Variants in PLCB1 observed in about 807,000 individuals in gnomAD.
The protein encoded by PLCB1 is 1-phosphatidylinositol 4,5-bisphosphate phosphodiesterase beta-1.
In PLCB1, 46 loss-of-function variants were observed where a neutral mutation model predicts 161.8. The observed-to-expected ratio is 0.28, with a 90% CI of 0.22 to 0.36. The LOEUF is 0.36. Ranked by LOEUF, PLCB1 falls within the 10% of genes least tolerant of loss-of-function variation. The pLI is 1.00. For synonymous variants in PLCB1, 517 were observed against 503.7 expected (o/e 1.03, Z -0.35); for missense variants, 1,016 against 1,472.5 (o/e 0.69, Z 5.07).
chr20:8,379,161 C>T (rs113353825), intron 3 of PLCB1, among the ~76,000 whole-genome samples: 24 of 151,836 alleles, frequency 1.6e-4, no homozygotes, highest in African/African-American at 5.8e-4. Context: ...TCCACATGTT[C>T]TCATTGTTCA....
At chr20:8,350,129 G>A (rs1180834552) in intron 2 of PLCB1, among the ~76,000 whole-genome samples, 1 of 152,166 alleles carries the variant, frequency 6.6e-6, no homozygotes, top group African/African-American at 2.4e-5. Flanking sequence ...GGATGTGCAG[G>A]TTTGTTACAC....
chr20:8,163,138 C>G (rs60588565), intron 2 of PLCB1, among the ~76,000 whole-genome samples: 1,783 of 152,132 alleles, frequency 0.012, 37 homozygotes, highest in African/African-American at 0.039. Flanking sequence ...GTGGGCAGGG[C>G]CATGGGGAAG....
In PLCB1 at chr20:8,820,649, T is replaced by A. The variant is rs1985297855; in HGVS notation, c.3423+30388T>A. Among the ~76,000 whole-genome samples, 3 of 152,078 alleles carry A rather than the reference T, an allele frequency of 2.0e-5. No individual in the cohort carries two copies. In the South Asian group the frequency reaches 6.2e-4, roughly 32 times the overall value. On this transcript the variant is annotated intron_variant, in intron 31 of 31. Coordinates refer to ENST00000338037, the MANE Select transcript of PLCB1 (RefSeq NM_015192.4). ...CAAGGTAGAAACTCCCTAGAGAAAT[T>A]GTAGCATATGTGTATCAGGAGCGTT...
chr20:8,322,473 T>TA (rs962503153), intron 2 of PLCB1, among the ~76,000 whole-genome samples: 7 of 151,622 alleles, frequency 4.6e-5, no homozygotes, highest in East Asian at 1.9e-4. Flanking sequence ...GTAAAATTTT[T>TA]AAAAAAAATC....
rs549914895 is a variant in PLCB1, at chr20:8,340,117, C to G, written c.178-31265C>G. 3.9e-5 allele frequency among the ~76,000 whole-genome samples: 6 copies of G among 152,334 alleles called. No individual in the cohort carries two copies. The South Asian group carries it at 1.2e-3, about 32-fold the overall frequency. ...TACATATGATTGGTTTTCCAACTCT[C>G]TAATTCCCCTTAATTGATAATTCTA... On this transcript the variant is annotated intron_variant, in intron 2 of 31. Coordinates refer to ENST00000338037, the MANE Select transcript of PLCB1 (RefSeq NM_015192.4).
intron 2 of PLCB1, among the ~76,000 whole-genome samples, chr20:8,216,736 G>T (rs561406540): frequency 6.6e-6 from 1 of 152,094 alleles, no homozygotes; most frequent in Admixed American, 6.6e-5. Context: ...AAATGATATA[G>T]CATAAGAGGG....
chr20:8,829,778 C>G (rs1242823042), intron 31 of PLCB1, among the ~76,000 whole-genome samples: 1 of 152,078 alleles, frequency 6.6e-6, no homozygotes, highest in African/African-American at 2.4e-5. Context: ...GGTTTTAAAA[C>G]CAAATAAAAA....
intron 31 of PLCB1, among the ~76,000 whole-genome samples, chr20:8,861,838 T>G (rs952978448): frequency 2.0e-5 from 3 of 152,064 alleles, no homozygotes; most frequent in Admixed American, 6.6e-5. Context: ...TGGAAACAAT[T>G]TAATTAACTT....
chr20:8,667,504 T>C (rs1488430972), intron 9 of PLCB1, among the ~76,000 whole-genome samples: 1 of 152,210 alleles, frequency 6.6e-6, no homozygotes, highest in Non-Finnish European at 1.5e-5. Flanking sequence ...ATTTCCTTTA[T>C]TCCCAGAAGG....
At chr20:8,268,795 C>G (rs569924685) in intron 2 of PLCB1, among the ~76,000 whole-genome samples, 1 of 152,092 alleles carries the variant, frequency 6.6e-6, no homozygotes, top group South Asian at 2.1e-4. Context: ...ATTTCCTTTG[C>G]CCACTTTTTG....
chr20:8,141,581 C>T (rs1470203437), intron 1 of PLCB1, among the ~76,000 whole-genome samples: 5 of 145,994 alleles, frequency 3.4e-5, no homozygotes, highest in East Asian at 2.0e-4. Flanking sequence ...GAGCCAAGAT[C>T]GCGCCACTGC....
At chr20:8,776,725 T>G (rs1600318314) in intron 27 of PLCB1, among the ~76,000 whole-genome samples, 2 of 152,294 alleles carry the variant, frequency 1.3e-5, no homozygotes, top group East Asian at 3.9e-4. Flanking sequence ...TTAAATATTT[T>G]TAAACAGTAG....
chr20:8,327,638 G>T (rs1027410538), intron 2 of PLCB1, among the ~76,000 whole-genome samples: 1 of 152,162 alleles, frequency 6.6e-6, no homozygotes, highest in Admixed American at 6.5e-5. Context: ...TAGAAGGCCT[G>T]TTCATCATAG....
intron 31 of PLCB1, among the ~76,000 whole-genome samples, chr20:8,854,604 C>T (rs1370782216): frequency 2.0e-5 from 3 of 152,186 alleles, no homozygotes; most frequent in African/African-American, 7.2e-5. Context: ...TGCTGTTAAA[C>T]TATTTATAAT....
chr20:8,379,469 T>C (rs1027320947), intron 3 of PLCB1, among the ~76,000 whole-genome samples: 1 of 152,200 alleles, frequency 6.6e-6, no homozygotes, highest in Non-Finnish European at 1.5e-5. Flanking sequence ...GTATACCCAG[T>C]AATGGAATTG....
At chr20:8,260,256 T>G (rs1351148250) in intron 2 of PLCB1, among the ~76,000 whole-genome samples, 2 of 151,692 alleles carry the variant, frequency 1.3e-5, no homozygotes, top group East Asian at 3.9e-4. Flanking sequence ...TTTTTTTTTT[T>G]TTTTTCTGTT....
intron 3 of PLCB1, among the ~76,000 whole-genome samples, chr20:8,510,521 G>T (rs866392392): frequency 3.3e-5 from 5 of 151,860 alleles, no homozygotes; most frequent in Non-Finnish European, 7.4e-5. Context: ...AAGAAGCAGG[G>T]ATTACAGGCA....
At chr20:8,539,621 T>TTTCTTTCTTTCTTTCTTTCC (rs777688918) in intron 3 of PLCB1, among the ~76,000 whole-genome samples, 3,123 of 43,738 alleles carry the variant, frequency 0.071, 199 homozygotes, top group African/African-American at 0.12. Context: ...CTTTATTTTC[T>TTTCTTTCTTTCTTTCTTTCC]TTCTTTCTTT....
At chr20:8,488,696 G>T (rs1267131106) in intron 3 of PLCB1, among the ~76,000 whole-genome samples, 1 of 152,074 alleles carries the variant, frequency 6.6e-6, no homozygotes, top group Admixed American at 6.5e-5. Flanking sequence ...AAACTTAATT[G>T]CTCTGTAATC....
Sources: gnomAD v4.1 joint callset for allele counts (sites outside exome capture counted in the v4.1 genomes callset) on GRCh38, gnomAD v4.1.1 for gene constraint, MANE v1.5 for transcripts, NCBI Gene and HGNC (gene_info 2026-07-23, HGNC 2026-07-21) for gene names.